SLAIN2: variants seen among roughly 807,000 people sequenced by gnomAD.
The protein encoded by SLAIN2 is SLAIN motif-containing protein 2.
In SLAIN2, 31 loss-of-function variants were observed where a neutral mutation model predicts 56.6. That is an observed-to-expected ratio of 0.55 (90% CI 0.41 to 0.74). The LOEUF (loss-of-function observed/expected upper bound fraction) is 0.74. Among genes scored for constraint, SLAIN2 ranks in the 30% least tolerant of loss-of-function variants. The pLI is 0.00. For synonymous variants in SLAIN2, 317 were observed against 284.9 expected, an observed-to-expected ratio of 1.11 and a Z score of -1.13; for missense variants, 777 against 754.2, an observed-to-expected ratio of 1.03 and a Z score of -0.35.
intron 6 of SLAIN2, among the ~76,000 whole-genome samples, chr4:48,402,694 C>T (rs1030276835): frequency 1.3e-5 from 2 of 152,042 alleles, no homozygotes; most frequent in Admixed American, 6.5e-5. Flanking sequence ...TTGCATTGGG[C>T]TCAGCAAAGT....
intron 6 of SLAIN2, among the ~76,000 whole-genome samples, chr4:48,418,071 T>C (rs1906576): frequency 0.25 from 35,109 of 138,370 alleles, 4,884 homozygotes; most frequent in Middle Eastern, 0.37. Flanking sequence ...CCTTTTATTA[T>C]TATTTCTTCT....
intron 6 of SLAIN2, among the ~76,000 whole-genome samples, chr4:48,390,500 A>G (rs1460582043): frequency 3.3e-5 from 5 of 152,208 alleles, no homozygotes; most frequent in Admixed American, 1.3e-4. Context: ...ACATCCTCTT[A>G]TATATGAAAA....
In SLAIN2 at chr4:48,376,938, G is replaced by C. The variant is rs1224873743; in HGVS notation, c.539-958G>C. On this transcript the variant is annotated intron_variant, in intron 2 of 7. Coordinates refer to ENST00000264313, the MANE Select transcript of SLAIN2 (RefSeq NM_020846.2). Reference sequence around the variant, plus strand: ...CTTTTTTTTTTTTTTTTTTTTTAAGGATTTCCCATGTCTTGACCTTAAACT... The same window carrying C: ...CTTTTTTTTTTTTTTTTTTTTTAAGCATTTCCCATGTCTTGACCTTAAACT... 4.5e-5 allele frequency among the ~76,000 whole-genome samples: 6 copies of C among 134,206 alleles called. 1 individual carries two copies. Among genetic ancestry groups the C allele is most frequent in the African/African-American group, 1.7e-4 (6 of 35,562 alleles). 88.0% of individuals were successfully genotyped at this position (134,206 alleles called of 152,430 possible).
chr4:48,377,504 G>A (rs1369514672), intron 2 of SLAIN2, among the ~76,000 whole-genome samples: 1 of 151,966 alleles, frequency 6.6e-6, no homozygotes, highest in Non-Finnish European at 1.5e-5. Flanking sequence ...AAAATAAAAA[G>A]TAATACATTT....
intron 6 of SLAIN2, among the ~76,000 whole-genome samples, chr4:48,388,330 G>A (rs775408038): frequency 1.3e-5 from 2 of 152,134 alleles, no homozygotes; most frequent in Non-Finnish European, 2.9e-5. Flanking sequence ...AGGAATGTTC[G>A]TGAGAGAGTT....
At position 48,382,740 on chromosome 4, in the gene SLAIN2, A is replaced by G; in HGVS notation, c.1035A>G (p.Ser345=). ...VYPAVNRFSP[S]PRNSPRPSPK... ...CTGCTGTTAACAGGTTTTCACCATC[A>G]CCACGCAATTCACCTCGACCGTCAC... Residue 345 remains serine (S), a synonymous_variant, in exon 5 of 8, where the codon TCA becomes TCG. Transcript: ENST00000264313. The G allele has an allele frequency of 6.2e-7, 1 of 1,613,760 alleles. No homozygotes were observed. Among genetic ancestry groups the G allele is most frequent in the Non-Finnish European group, 8.5e-7 (1 of 1,179,858 alleles).
chr4:48,374,608 A>G (rs1715754859), intron 2 of SLAIN2, among the ~76,000 whole-genome samples: 1 of 152,162 alleles, frequency 6.6e-6, no homozygotes, highest in Admixed American at 6.5e-5. Context: ...GGTGTAGTGT[A>G]TGTGGACAGG....
chr4:48,425,592 TAATAG>T lies in SLAIN2; in HGVS notation c.*3516_*3520del, dbSNP rs1357484748. The T allele has an allele frequency of 1.3e-5, 2 of 152,134 alleles. No homozygotes were observed. Among genetic ancestry groups the T allele is most frequent in the Non-Finnish European group, 2.9e-5 (2 of 67,986 alleles). The allele number at this position is 152,134 out of a possible 1,614,324, so 9.4% of individuals were successfully genotyped here. A position where few individuals can be genotyped will look rare whatever the true frequency, so the allele number is the denominator to read the frequency against. ...ATAATATTACATGTTACAATTAGATTAATAGTGATGAGAGGGAAAAAAGACACCCT... is the reference window on the plus strand; with the variant it reads ...ATAATATTACATGTTACAATTAGATTTGATGAGAGGGAAAAAAGACACCCT... On this transcript the variant is annotated 3_prime_UTR_variant, in exon 8 of 8. Transcript: ENST00000264313.
chr4:48,420,328 A>G lies in SLAIN2; in HGVS notation c.1564A>G (p.Thr522Ala). Residue 522 changes from threonine (T) to alanine (A), a missense_variant, in exon 7 of 8, where the codon ACT (threonine) becomes GCT (alanine). Thr to Ala is a moderately conservative substitution (Grantham distance 58, BLOSUM62 0). Transcript: ENST00000264313. ...ANPPSNINSA[T>A]LTRPAGTTAM... ...TCCTCCCAGCAATATCAACAGCGCT[A>G]CTCTAACCAGACCTGCAGGGACAAC... The G allele has an allele frequency of 6.2e-7, 1 of 1,613,900 alleles. No homozygotes were observed. Among genetic ancestry groups the G allele is most frequent in the East Asian group, 2.2e-5 (1 of 44,884 alleles).
chr4:48,411,017 C>T (rs1200190654), intron 6 of SLAIN2, among the ~76,000 whole-genome samples: 1 of 152,082 alleles, frequency 6.6e-6, no homozygotes, highest in Admixed American at 6.6e-5. Flanking sequence ...ACCCCAAGTC[C>T]CAGCTTAGGA....
At chr4:48,397,162 A>G (rs2109773994) in intron 6 of SLAIN2, among the ~76,000 whole-genome samples, 1 of 152,348 alleles carries the variant, frequency 6.6e-6, no homozygotes, top group African/African-American at 2.4e-5. Flanking sequence ...GCCAGCGGGA[A>G]AAAATGAAGA....
chr4:48,393,406 G>A (rs1220711074), intron 6 of SLAIN2, among the ~76,000 whole-genome samples: 1 of 151,244 alleles, frequency 6.6e-6, no homozygotes, highest in Non-Finnish European at 1.5e-5. Flanking sequence ...GTGTGTGTGT[G>A]TGTGTGTGTG....
At chr4:48,405,131 C>T (rs1266811893) in intron 6 of SLAIN2, among the ~76,000 whole-genome samples, 1 of 152,274 alleles carries the variant, frequency 6.6e-6, no homozygotes, top group African/African-American at 2.4e-5. Context: ...AAATAAAACA[C>T]GAAATCAGAA....
intron 1 of SLAIN2, among the ~76,000 whole-genome samples, chr4:48,354,172 T>C (rs1156841172): frequency 6.6e-6 from 1 of 151,974 alleles, no homozygotes; most frequent in African/African-American, 2.4e-5. Context: ...TAGAATAAAA[T>C]AGTAGGAACA....
chr4:48,364,925 T>G (rs1318682390), intron 1 of SLAIN2, among the ~76,000 whole-genome samples: 1 of 151,608 alleles, frequency 6.6e-6, no homozygotes, highest in Non-Finnish European at 1.5e-5. Flanking sequence ...TTTAAATTTC[T>G]AATTCAGTCT....
At chr4:48,346,592 T>C (rs1714874075) in intron 1 of SLAIN2, among the ~76,000 whole-genome samples, 1 of 152,212 alleles carries the variant, frequency 6.6e-6, no homozygotes, top group South Asian at 2.1e-4. Context: ...AGAGGGCCAT[T>C]GGTAAAAGTT....
At chr4:48,397,450 C>T (rs1343370974) in intron 6 of SLAIN2, among the ~76,000 whole-genome samples, 1 of 152,062 alleles carries the variant, frequency 6.6e-6, no homozygotes, top group Non-Finnish European at 1.5e-5. Context: ...TTTTGAGATA[C>T]GTTGAAATAA....
chr4:48,400,045 T>C (rs1560462636), intron 6 of SLAIN2, among the ~76,000 whole-genome samples: 1 of 152,222 alleles, frequency 6.6e-6, no homozygotes, highest in Admixed American at 6.5e-5. Flanking sequence ...GTCTCTCCTT[T>C]TCAATTGTTT....
intron 6 of SLAIN2, among the ~76,000 whole-genome samples, chr4:48,401,790 T>C (rs1258490811): frequency 1.3e-5 from 2 of 152,206 alleles, no homozygotes; most frequent in African/African-American, 4.8e-5. Context: ...AATATTGTTA[T>C]GTGTGTATTT....
Sources: gnomAD v4.1 joint callset for allele counts (sites outside exome capture counted in the v4.1 genomes callset) on GRCh38, gnomAD v4.1.1 for gene constraint, MANE v1.5 for transcripts, NCBI Gene and HGNC (gene_info 2026-07-23, HGNC 2026-07-21) for gene names.